The following DOCK1 variants were observed in gnomAD, a reference collection of about 807,000 sequenced individuals.
DOCK1 encodes dedicator of cytokinesis protein 1.
Under a neutral mutation model 262.7 loss-of-function variants are expected in DOCK1, and 138 were observed. The ratio of observed to expected loss-of-function variants is 0.53; its 90% confidence interval spans 0.46 to 0.61. The LOEUF is 0.61. Among genes scored for constraint, DOCK1 ranks in the 20% least tolerant of loss-of-function variants. The pLI, the probability that DOCK1 is intolerant of heterozygous loss-of-function variation, is 0.00. For synonymous variants in DOCK1, 866 were observed against 867.4 expected, an observed-to-expected ratio of 1.00 and a Z score of 0.03; for missense variants, 1,908 against 2,370.7, an observed-to-expected ratio of 0.80 and a Z score of 4.05.
chr10:127,006,526 C>T (rs1348663825), intron 10 of DOCK1, among the ~76,000 whole-genome samples: 4 of 152,196 alleles, frequency 2.6e-5, no homozygotes, highest in Non-Finnish European at 5.9e-5. Context: ...TCAGGGACAT[C>T]TTGTCCAAAC....
chr10:126,964,467 G>A (rs2037509844), intron 1 of DOCK1, among the ~76,000 whole-genome samples: 1 of 152,216 alleles, frequency 6.6e-6, no homozygotes, highest in African/African-American at 2.4e-5. Context: ...GACAGGGAGG[G>A]CCCTGGCATT....
chr10:127,247,964 T>G, intron 27 of DOCK1, 44 bp from the exon 28 acceptor site: 1 of 1,587,122 alleles, frequency 6.3e-7, no homozygotes, highest in Non-Finnish European at 8.6e-7. Flanking sequence ...TTCCCATGAG[T>G]GTTGCTCTGT....
In DOCK1 at chr10:127,106,267, G is replaced by C. The variant is rs767508399; in HGVS notation, c.2482G>C (p.Asp828His). 11 of 1,597,844 alleles carry C rather than the reference G, an allele frequency of 6.9e-6. No homozygotes were observed. The highest frequency in any genetic ancestry group is 1.1e-5 in the South Asian group (1 of 87,848). The part of the protein sequence containing the change: ...ALKYLPTIVN[D>H]VKLVFDPKEL... The stretch of plus-strand genomic sequence containing the variant: ...GAAATACTTACCAACGATCGTCAAC[G>C]ATGTGAAATTGGTGTTTGATCCCAA... The change falls in exon 24 of 52, where the codon GAT (aspartate) becomes CAT (histidine). Residue 828 changes from aspartate to histidine, a missense_variant. Asp to His is a moderately conservative substitution (Grantham distance 81, BLOSUM62 -1). This residue lies in a region of DOCK1 where 518 missense variants were observed against 575.1 expected (regional missense o/e 0.90). Coordinates refer to ENST00000623213, the MANE Select transcript of DOCK1 (RefSeq NM_001290223.2).
At chr10:126,968,172 G>T (rs55881148) in intron 1 of DOCK1, among the ~76,000 whole-genome samples, 2 of 152,030 alleles carry the variant, frequency 1.3e-5, no homozygotes, top group Non-Finnish European at 2.9e-5. Context: ...CCCTGTGGCC[G>T]TGAAAGCTTT....
At chr10:127,163,627 A>G (rs1179687515) in intron 27 of DOCK1, among the ~76,000 whole-genome samples, 1 of 152,180 alleles carries the variant, frequency 6.6e-6, no homozygotes, top group Non-Finnish European at 1.5e-5. Flanking sequence ...TAGGACTCTC[A>G]CAATTTTGTG....
intron 25 of DOCK1, among the ~76,000 whole-genome samples, chr10:127,119,417 T>C (rs1041943376): frequency 2.0e-5 from 3 of 152,158 alleles, no homozygotes; most frequent in African/African-American, 7.2e-5. Flanking sequence ...TTCACTCAGC[T>C]CCCAGCTCCC....
At chr10:127,089,189 C>T (rs923423052) in intron 23 of DOCK1, among the ~76,000 whole-genome samples, 1 of 152,190 alleles carries the variant, frequency 6.6e-6, no homozygotes, top group Non-Finnish European at 1.5e-5. Flanking sequence ...TGCCTTGTCC[C>T]TGGACCCCTC....
intron 29 of DOCK1, among the ~76,000 whole-genome samples, chr10:127,279,019 A>G (rs1383321873): frequency 2.0e-5 from 3 of 152,236 alleles, no homozygotes; most frequent in Admixed American, 6.5e-5. Flanking sequence ...TTTTCCAGAA[A>G]TACTTGATTT....
intron 29 of DOCK1, among the ~76,000 whole-genome samples, chr10:127,321,919 A>G (rs1036021399): frequency 3.3e-5 from 5 of 151,962 alleles, no homozygotes; most frequent in Non-Finnish European, 5.9e-5. Context: ...CCTGGTCAAC[A>G]TGGTGAAACC....
chr10:127,158,441 G>T (rs2053286526), intron 27 of DOCK1, among the ~76,000 whole-genome samples: 1 of 152,188 alleles, frequency 6.6e-6, no homozygotes, highest in African/African-American at 2.4e-5. Context: ...TTTCTGTCTT[G>T]CAGATTAATT....
At chr10:127,131,675 C>CTTT (rs1554891630) in intron 27 of DOCK1, among the ~76,000 whole-genome samples, 1 of 151,770 alleles carries the variant, frequency 6.6e-6, no homozygotes, top group Non-Finnish European at 1.5e-5. Context: ...TTTTTAAAGT[C>CTTT]GTTGCTCTGT....
intron 27 of DOCK1, among the ~76,000 whole-genome samples, chr10:127,164,635 C>G (rs1426547678): frequency 6.6e-6 from 1 of 152,210 alleles, no homozygotes; most frequent in Admixed American, 6.5e-5. Flanking sequence ...CAGATTTGGA[C>G]AGGGACAAAT....
chr10:127,187,736 AAGAAAGAAAGAG>A (rs200687848), intron 27 of DOCK1, among the ~76,000 whole-genome samples: 10 of 99,972 alleles, frequency 1.0e-4, no homozygotes, highest in East Asian at 4.6e-4. Flanking sequence ...GAGAGAAAGA[AAGAAAGAAAGAG>A]AGAAAGAGAG....
chr10:127,091,615 G>A (rs1175158256), intron 23 of DOCK1, among the ~76,000 whole-genome samples: 2 of 152,212 alleles, frequency 1.3e-5, no homozygotes, highest in Non-Finnish European at 2.9e-5. Flanking sequence ...GGAGGGAGAA[G>A]GGGAATGCTT....
At chr10:127,130,434 A>G (rs2050253827) in intron 27 of DOCK1, among the ~76,000 whole-genome samples, 1 of 152,070 alleles carries the variant, frequency 6.6e-6, no homozygotes, top group Non-Finnish European at 1.5e-5. Flanking sequence ...CTTGTAGCCC[A>G]CTGGTCAACA....
chr10:127,328,279 G>A (rs1379906892), intron 29 of DOCK1, among the ~76,000 whole-genome samples: 1 of 152,160 alleles, frequency 6.6e-6, no homozygotes, highest in Non-Finnish European at 1.5e-5. Flanking sequence ...TGCTGAGCGT[G>A]AAATACCTTG....
intron 2 of DOCK1, among the ~76,000 whole-genome samples, chr10:126,976,452 T>C (rs2038550017): frequency 6.6e-6 from 1 of 152,200 alleles, no homozygotes; most frequent in Non-Finnish European, 1.5e-5. Context: ...CCTTGGGGAT[T>C]CTGCTCATCT....
At chr10:127,074,153 G>T (rs1235237678) in intron 23 of DOCK1, among the ~76,000 whole-genome samples, 1 of 152,180 alleles carries the variant, frequency 6.6e-6, no homozygotes, top group African/African-American at 2.4e-5. Context: ...TGTTTTTGCA[G>T]AATTTTATGA....
rs1254988205 is a variant in DOCK1, at chr10:127,012,912, G to A, written c.1201+538G>A. On this transcript the variant is annotated intron_variant, in intron 12 of 51. Coordinates refer to ENST00000623213, the MANE Select transcript of DOCK1 (RefSeq NM_001290223.2). This position sits in a 1 kb window ranked among gnomAD's most constrained non-coding sequence, Gnocchi z 4.0. ...ACAGTTGGCACTTGGCTGGCCAGGA[G>A]GGCTGCCAGGAAACAACTGTGACTG... Among the ~76,000 whole-genome samples the A allele has an allele frequency of 6.6e-6, 1 of 152,162 alleles. No homozygotes were observed. The highest frequency in any genetic ancestry group is 1.9e-4 in the East Asian group (1 of 5,178).
Sources: allele counts gnomAD v4.1 joint callset (sites outside exome capture counted in the v4.1 genomes callset), GRCh38; gene constraint gnomAD v4.1.1; regional missense constraint gnomAD v4.1.1; non-coding constraint Gnocchi (gnomAD v3.1); transcripts MANE v1.5; gene names NCBI Gene and HGNC (gene_info 2026-07-23, HGNC 2026-07-21).